The following CACNA2D3 variants were observed in gnomAD, a reference collection of about 807,000 sequenced individuals.
CACNA2D3 encodes voltage-dependent calcium channel subunit alpha-2/delta-3.
CACNA2D3 carries 60 observed loss-of-function variants against 160.6 expected under a neutral mutation model. The ratio of observed to expected loss-of-function variants is 0.37; its 90% CI spans 0.30 to 0.46. The LOEUF is 0.46. Among genes scored for constraint, CACNA2D3 ranks in the 20% least tolerant of loss-of-function variants. The pLI is 1.00. For synonymous variants in CACNA2D3, 558 were observed against 492.9 expected (o/e 1.13, Z -1.75); for missense variants, 1,205 against 1,365.0 (o/e 0.88, Z 1.85).
chr3:54,628,727 A>T (rs1368659884), intron 10 of CACNA2D3, among the ~76,000 whole-genome samples: 2 of 152,154 alleles, frequency 1.3e-5, no homozygotes, highest in Non-Finnish European at 2.9e-5. Flanking sequence ...GGCATAAGGG[A>T]TGGAAAAGCT....
At chr3:54,925,660 G>A (rs188902201) in intron 27 of CACNA2D3, among the ~76,000 whole-genome samples, 1 of 152,336 alleles carries the variant, frequency 6.6e-6, no homozygotes, top group East Asian at 1.9e-4. Flanking sequence ...ACAACTTTCT[G>A]TGATGATAGA....
intron 18 of CACNA2D3, among the ~76,000 whole-genome samples, chr3:54,872,344 AATC>A (rs1434189501): frequency 6.6e-6 from 1 of 152,054 alleles, no homozygotes; most frequent in Non-Finnish European, 1.5e-5. Flanking sequence ...TCCTTAATTA[AATC>A]ATAACTTCCC....
chr3:54,688,862 G>A (rs1011504810), intron 11 of CACNA2D3, among the ~76,000 whole-genome samples: 3 of 150,896 alleles, frequency 2.0e-5, no homozygotes, highest in African/African-American at 4.9e-5. Flanking sequence ...TTAGCTGGAC[G>A]TCCCAGCTAC....
intron 3 of CACNA2D3, among the ~76,000 whole-genome samples, chr3:54,358,501 A>G (rs1196430808): frequency 6.6e-6 from 1 of 152,220 alleles, no homozygotes; most frequent in Non-Finnish European, 1.5e-5. Flanking sequence ...CATCATCTGT[A>G]AAATTAGGAT....
Position 54,873,033 on chromosome 3 carries a change from G to A in CACNA2D3, c.1710+1411G>A, listed in dbSNP as rs149023589. On this transcript the variant is annotated intron_variant, in intron 18 of 37. Transcript: ENST00000474759. ...TCAAATCCCGCCTTCTCTGCTTGCC[G>A]GATGTTTGTCTTGGGTGAGTGATTA... is the stretch of plus-strand genomic sequence containing the variant. 1.4e-4 allele frequency among the ~76,000 whole-genome samples: 21 copies of A among 152,006 alleles called. No homozygotes were observed. The East Asian group carries it at 3.3e-3, about 24-fold the overall frequency.
rs13076879 is a variant in CACNA2D3, at chr3:54,265,678, A to G, written c.205-54764A>G. On this transcript the variant is annotated intron_variant, in intron 2 of 37. Transcript: ENST00000474759. ...TATAGTGTATATATATAGTGTGTGT[A>G]TATATATATAGTGTGGGTATATATA... Among the ~76,000 whole-genome samples, 144 of 132,192 alleles carry G rather than the reference A, an allele frequency of 1.1e-3. 2 individuals carry two copies. Among genetic ancestry groups the G allele is most frequent in the Admixed American group, 2.7e-3 (34 of 12,490 alleles). 86.7% of individuals were successfully genotyped at this position (132,192 alleles called of 152,430 possible).
intron 14 of CACNA2D3, among the ~76,000 whole-genome samples, chr3:54,836,093 G>A (rs917927320): frequency 1.3e-5 from 2 of 152,148 alleles, no homozygotes; most frequent in Non-Finnish European, 2.9e-5. Context: ...GACAGAGTAG[G>A]GGTTCCTGCC....
At chr3:54,469,176 G>A (rs1033734044) in intron 4 of CACNA2D3, among the ~76,000 whole-genome samples, 8 of 152,200 alleles carry the variant, frequency 5.3e-5, no homozygotes, top group African/African-American at 1.9e-4. Flanking sequence ...ATACAGGAGA[G>A]CTCTGACTGG....
intron 11 of CACNA2D3, among the ~76,000 whole-genome samples, chr3:54,678,676 G>A (rs78360624): frequency 0.058 from 7,251 of 124,008 alleles, 238 homozygotes; most frequent in African/African-American, 0.091. Context: ...AGCCGAGATC[G>A]TGCAATTGCA....
intron 6 of CACNA2D3, 55 bp downstream of exon 6, chr3:54,562,986 G>T: frequency 2.6e-6 from 4 of 1,526,128 alleles, no homozygotes; most frequent in Non-Finnish European, 3.6e-6. Context: ...CTGATAATGT[G>T]GTATTTTTCT....
intron 14 of CACNA2D3, among the ~76,000 whole-genome samples, chr3:54,823,259 T>C (rs1425449653): frequency 6.6e-6 from 1 of 152,120 alleles, no homozygotes; most frequent in Non-Finnish European, 1.5e-5. Flanking sequence ...TTTACTCCAT[T>C]TTCAGATTTA....
intron 16 of CACNA2D3, among the ~76,000 whole-genome samples, chr3:54,841,824 G>T (rs1698825101): frequency 6.6e-6 from 1 of 152,190 alleles, no homozygotes; most frequent in African/African-American, 2.4e-5. Flanking sequence ...AGACTCTCCA[G>T]TTGGAAGGGA....
At chr3:54,389,806 G>C (rs1443312056) in intron 4 of CACNA2D3, among the ~76,000 whole-genome samples, 2 of 152,202 alleles carry the variant, frequency 1.3e-5, no homozygotes, top group South Asian at 2.1e-4. Flanking sequence ...AATTCAAAGA[G>C]ATGAGGACAC....
intron 2 of CACNA2D3, among the ~76,000 whole-genome samples, chr3:54,194,599 A>C (rs779250137): frequency 5.9e-5 from 9 of 152,154 alleles, no homozygotes; most frequent in Non-Finnish European, 1.2e-4. Flanking sequence ...AAAATACCCG[A>C]GACTGGGTAA....
At chr3:54,527,603 G>A (rs539462975) in intron 5 of CACNA2D3, among the ~76,000 whole-genome samples, 2 of 152,242 alleles carry the variant, frequency 1.3e-5, no homozygotes, top group African/African-American at 2.4e-5. Flanking sequence ...TAAAGACTTC[G>A]AGTGCAGATG....
At chr3:54,466,386 C>G (rs1331455171) in intron 4 of CACNA2D3, among the ~76,000 whole-genome samples, 1 of 152,098 alleles carries the variant, frequency 6.6e-6, no homozygotes, top group Non-Finnish European at 1.5e-5. Context: ...ACTGTTAATG[C>G]TGGTTATACC....
chr3:54,702,498 C>G (rs1700786225), intron 11 of CACNA2D3, among the ~76,000 whole-genome samples: 1 of 152,150 alleles, frequency 6.6e-6, no homozygotes, highest in Non-Finnish European at 1.5e-5. Context: ...TGAAAAAATG[C>G]TCAACATCAC....
chr3:54,816,744 A>G (rs895411561), intron 13 of CACNA2D3, 109 bp from the exon 14 acceptor site: 47 of 1,217,720 alleles, frequency 3.9e-5, no homozygotes, highest in East Asian at 7.1e-5. Context: ...TTGTCTCCCC[A>G]TTTTGGTTTC....
chr3:54,356,963 C>T (rs1369842728), intron 3 of CACNA2D3, among the ~76,000 whole-genome samples: 2 of 152,106 alleles, frequency 1.3e-5, no homozygotes, highest in African/African-American at 2.4e-5. Flanking sequence ...ATGAAGCTTA[C>T]TTAGGGCCTT....
Sources: allele counts gnomAD v4.1 joint callset (sites outside exome capture counted in the v4.1 genomes callset), GRCh38; gene constraint gnomAD v4.1.1; transcripts MANE v1.5; gene names NCBI Gene and HGNC (gene_info 2026-07-23, HGNC 2026-07-21).